Variants in SNRNP48 observed in about 807,000 individuals in gnomAD.
SNRNP48 encodes the protein U11/U12 small nuclear ribonucleoprotein 48 kDa protein.
In SNRNP48, 43 loss-of-function variants were observed where a neutral mutation model predicts 47.0. The observed-to-expected ratio is 0.92, with a 90% CI of 0.72 to 1.18. SNRNP48 has a LOEUF of 1.18. SNRNP48 is among the 50% of genes most tolerant of loss of function. The probability of loss-of-function intolerance (pLI) is 0.00; values close to 1 mark genes in which losing one functional copy is unlikely to be tolerated. For missense variants in SNRNP48, 396 were observed against 422.2 expected, an observed-to-expected ratio of 0.94 and a Z score of 0.54; for synonymous variants, 138 against 144.0, an observed-to-expected ratio of 0.96 and a Z score of 0.30.
At chr6:7,591,192 G>A (rs1328441228) in intron 1 of SNRNP48, among the ~76,000 whole-genome samples, 1 of 152,138 alleles carries the variant, frequency 6.6e-6, no homozygotes, top group Non-Finnish European at 1.5e-5. Context: ...CCTTAAAATT[G>A]GACACTTCTG....
chr6:7,596,464 A>T (rs368028854), intron 4 of SNRNP48, among the ~76,000 whole-genome samples: 33 of 152,140 alleles, frequency 2.2e-4, no homozygotes, highest in African/African-American at 7.7e-4. Flanking sequence ...AATTATATTT[A>T]CCAGGCTGTA....
At position 7,590,380 on chromosome 6, in the gene SNRNP48, T is replaced by C. The variant is rs760582146; in HGVS notation, c.123T>C (p.Asp41=). The change falls in exon 1 of 9, where the codon GAT becomes GAC. Residue 41 remains aspartate (D), a synonymous_variant. Coordinates refer to ENST00000342415, the MANE Select transcript of SNRNP48 (RefSeq NM_152551.4). The part of the protein sequence containing the change: ...EVTASLGWDL[D]SLDPGEEEAA... Reference sequence around the variant, plus strand: ...CCGCGTCCCTGGGCTGGGACCTAGATAGTCTGGATCCCGGGGAAGAGGAGG... The same window carrying C: ...CCGCGTCCCTGGGCTGGGACCTAGACAGTCTGGATCCCGGGGAAGAGGAGG... The C allele has an allele frequency of 5.9e-6, 8 of 1,357,262 alleles. No individual in the cohort carries two copies. The highest frequency in any genetic ancestry group is 1.5e-5 in the African/African-American group (1 of 67,196). The allele number at this position is 1,357,262 out of a possible 1,614,324, so 84.1% of individuals were successfully genotyped here.
intron 8 of SNRNP48, among the ~76,000 whole-genome samples, chr6:7,608,577 T>C (rs531349814): frequency 1.8e-4 from 27 of 151,814 alleles, no homozygotes; most frequent in Non-Finnish European, 7.4e-5. Flanking sequence ...AACAAACAAA[T>C]AAAAAAACTA....
Position 7,608,892 on chromosome 6 carries a change from T to C in SNRNP48, c.*19T>C. ...AATATAAATGAAGTACTTGTACCTA[T>C]ATTAATTATGCTTACGCCATGATAA... On this transcript the variant is annotated 3_prime_UTR_variant, in exon 9 of 9. Coordinates refer to ENST00000342415, the MANE Select transcript of SNRNP48 (RefSeq NM_152551.4). 1.5e-6 allele frequency: 2 copies of C among 1,371,502 alleles called. No individual in the cohort carries two copies. Among genetic ancestry groups the C allele is most frequent in the Non-Finnish European group, 2.0e-6 (2 of 997,956 alleles). The allele number at this position is 1,371,502 out of a possible 1,614,324, so 85.0% of individuals were successfully genotyped here.
At chr6:7,594,074 G>T (rs914995103) in intron 2 of SNRNP48, 25 bp from the exon 3 acceptor site, 2 of 1,315,442 alleles carry the variant, frequency 1.5e-6, no homozygotes, top group Non-Finnish European at 2.1e-6. Flanking sequence ...TGATACTTAA[G>T]AACAGTAAGA....
intron 4 of SNRNP48, among the ~76,000 whole-genome samples, chr6:7,596,496 C>G (rs903494533): frequency 2.0e-5 from 3 of 152,152 alleles, no homozygotes; most frequent in African/African-American, 7.2e-5. Flanking sequence ...TTTTCTCCCT[C>G]ATTGAAATTG....
chr6:7,594,085 T>G lies in SNRNP48; in HGVS notation c.271-14T>G. ...TATCTGATACTTAAGAACAGTAAGA[T>G]TCTTTTTTTTCAGGATGAAATGTAT... is the stretch of plus-strand genomic sequence containing the variant. On this transcript the variant is annotated splice_polypyrimidine_tract_variant and intron_variant, in intron 2 of 8. Coordinates refer to ENST00000342415, the MANE Select transcript of SNRNP48 (RefSeq NM_152551.4). 4.3e-6 allele frequency: 6 copies of G among 1,392,022 alleles called. No individual in the cohort carries two copies. The highest frequency in any genetic ancestry group is 5.8e-6 in the Non-Finnish European group (6 of 1,027,246). 86.2% of individuals were successfully genotyped at this position (1,392,022 alleles called of 1,614,324 possible).
Position 7,610,576 on chromosome 6 carries a change from G to A in SNRNP48, c.*1703G>A, listed in dbSNP as rs1313556545. On this transcript the variant is annotated 3_prime_UTR_variant, in exon 9 of 9. Transcript: ENST00000342415. ...TTTCATTGATTTTACTAACTGGAAG[G>A]AAGAAGAGTAAAATTGGCATATTTA... The A allele has an allele frequency of 6.6e-6, 1 of 152,132 alleles. No homozygotes were observed. The highest frequency in any genetic ancestry group is 2.1e-4 in the South Asian group (1 of 4,830). The allele number at this position is 152,132 out of a possible 1,614,324, so 9.4% of individuals were successfully genotyped here. A position where few individuals can be genotyped will look rare whatever the true frequency, so the allele number is the denominator to read the frequency against.
intron 6 of SNRNP48, among the ~76,000 whole-genome samples, chr6:7,603,991 A>T (rs1760081083): frequency 6.6e-6 from 1 of 152,228 alleles, no homozygotes; most frequent in Admixed American, 6.5e-5. Context: ...TGTACCCATC[A>T]CCCAGCTTCA....
Position 7,600,602 on chromosome 6 carries a change from T to A in SNRNP48, c.407-734T>A, listed in dbSNP as rs572610739. 7 of 152,314 alleles carry A rather than the reference T, an allele frequency of 4.6e-5. No individual in the cohort carries two copies. The East Asian group carries it at 1.3e-3, about 29-fold the overall frequency. The allele number at this position is 152,314 out of a possible 1,614,324, so 9.4% of individuals were successfully genotyped here. A position where few individuals can be genotyped will look rare whatever the true frequency, so the allele number is the denominator to read the frequency against. ...TTTAATACATCATATCAAGGTATTGTATTTACTTTTTTTCACTAATGAGCA... is the reference window on the plus strand; with the variant it reads ...TTTAATACATCATATCAAGGTATTGAATTTACTTTTTTTCACTAATGAGCA... On this transcript the variant is annotated intron_variant, in intron 4 of 8. Coordinates refer to ENST00000342415, the MANE Select transcript of SNRNP48 (RefSeq NM_152551.4).
intron 5 of SNRNP48, among the ~76,000 whole-genome samples, chr6:7,601,917 G>C (rs761938407): frequency 6.6e-6 from 1 of 151,992 alleles, no homozygotes; most frequent in Non-Finnish European, 1.5e-5. Flanking sequence ...GCAGTAGCGC[G>C]ATCTCAGTTC....
At chr6:7,602,870 G>A (rs1760055270) in intron 6 of SNRNP48, 126 bp downstream of exon 6, 1 of 755,908 alleles carries the variant, frequency 1.3e-6, no homozygotes, top group Non-Finnish European at 2.0e-6. Flanking sequence ...CACCTGATTT[G>A]TATCTGTTCC....
At chr6:7,605,347 A>C (rs1268243365) in intron 6 of SNRNP48, 51 bp from the exon 7 acceptor site, 1 of 1,436,012 alleles carries the variant, frequency 7.0e-7, no homozygotes, top group Non-Finnish European at 9.8e-7. Flanking sequence ...TTACAGTCTT[A>C]ATTTTTTGAG....
At chr6:7,603,734 C>G (rs1376129059) in intron 6 of SNRNP48, among the ~76,000 whole-genome samples, 6 of 152,112 alleles carry the variant, frequency 3.9e-5, no homozygotes, top group African/African-American at 1.4e-4. Flanking sequence ...TTATGCTGTT[C>G]TTTTTACAGT....
intron 6 of SNRNP48, among the ~76,000 whole-genome samples, 177 bp downstream of exon 6, chr6:7,602,921 T>C (rs2113721303): frequency 6.6e-6 from 1 of 152,310 alleles, no homozygotes; most frequent in East Asian, 1.9e-4. Flanking sequence ...AAGGCTTTCA[T>C]AGTATAAGAA....
intron 8 of SNRNP48, among the ~76,000 whole-genome samples, chr6:7,607,705 CTG>C (rs931694801): frequency 6.6e-6 from 1 of 152,220 alleles, no homozygotes; most frequent in Non-Finnish European, 1.5e-5. Context: ...CGCTGCTAGA[CTG>C]TGAGCTCCAT....
At chr6:7,601,258 G>C in intron 4 of SNRNP48, 78 bp from the exon 5 acceptor site, 1 of 1,201,450 alleles carries the variant, frequency 8.3e-7, no homozygotes, top group Non-Finnish European at 1.1e-6. Context: ...TAAAGCACAT[G>C]TTTAAAGATA....
chr6:7,593,724 A>T lies in SNRNP48; in HGVS notation c.157-10A>T, dbSNP rs764937380. 7 of 1,531,906 alleles carry T rather than the reference A, an allele frequency of 4.6e-6. No individual in the cohort carries two copies. Among genetic ancestry groups the T allele is most frequent in the Middle Eastern group, 1.7e-4 (1 of 5,742 alleles). 94.9% of individuals were successfully genotyped at this position (1,531,906 alleles called of 1,614,324 possible). A position where few individuals can be genotyped will look rare whatever the true frequency, so the allele number is the denominator to read the frequency against. On this transcript the variant is annotated splice_polypyrimidine_tract_variant and intron_variant, in intron 1 of 8. Transcript: ENST00000342415. ...TACCTATTTTCTTTGTTTCTGTTTG[A>T]TTTTTATAGGATGAAGTTGTGATAT...
At chr6:7,605,554 G>A (rs1760111308) in intron 7 of SNRNP48, 68 bp downstream of exon 7, 1 of 1,442,814 alleles carries the variant, frequency 6.9e-7, no homozygotes, top group Non-Finnish European at 9.6e-7. Flanking sequence ...ACTTATAATT[G>A]TTAAATTTTA....
Sources: allele counts gnomAD v4.1 joint callset (sites outside exome capture counted in the v4.1 genomes callset), GRCh38; gene constraint gnomAD v4.1.1; transcripts MANE v1.5; gene names NCBI Gene and HGNC (gene_info 2026-07-23, HGNC 2026-07-21).